RIMS1: variants seen among roughly 807,000 people sequenced by gnomAD.
The protein encoded by RIMS1 is regulating synaptic membrane exocytosis 1.
Under a neutral mutation model 214.1 loss-of-function variants are expected in RIMS1, and 83 were observed. That is an observed-to-expected ratio of 0.39 (90% CI 0.32 to 0.47). The LOEUF is 0.47. Ranked by LOEUF, RIMS1 falls within the 20% of genes least tolerant of loss-of-function variation. The pLI, the probability that RIMS1 is intolerant of heterozygous loss-of-function variation, is 0.99. For synonymous variants in RIMS1, 793 were observed against 786.8 expected (o/e 1.01, Z -0.13); for missense variants, 2,050 against 2,161.8 (o/e 0.95, Z 1.03).
chr6:72,217,414 G>A, intron 6 of RIMS1, among the ~76,000 whole-genome samples: 1 of 152,050 alleles, frequency 6.6e-6, no homozygotes, highest in South Asian at 2.1e-4. Flanking sequence ...ATGATTACTT[G>A]TATTACATAA....
rs556793195 is a variant in RIMS1, at chr6:71,941,197, A to T, written c.165-27786A>T. ...CCATTTATCCTTTTTATGAATAAATATGTTTTTCTAATTATAAAAATAATT... is the reference window on the plus strand; with the variant it reads ...CCATTTATCCTTTTTATGAATAAATTTGTTTTTCTAATTATAAAAATAATT... On this transcript the variant is annotated intron_variant, in intron 1 of 33. Transcript: ENST00000521978. Among the ~76,000 whole-genome samples, 123 of 152,274 alleles carry T rather than the reference A, an allele frequency of 8.1e-4. 1 individual carries two copies. Among genetic ancestry groups the T allele is most frequent in the Non-Finnish European group, 3.1e-4 (21 of 68,018 alleles).
chr6:71,997,353 A>C (rs2151684934), intron 2 of RIMS1, among the ~76,000 whole-genome samples: 1 of 152,304 alleles, frequency 6.6e-6, no homozygotes, highest in Middle Eastern at 3.4e-3. Flanking sequence ...ACAGTATCAA[A>C]ATTCCTGGTT....
chr6:72,260,775 C>T lies in RIMS1; in HGVS notation c.3116+8C>T, dbSNP rs1277312139. On this transcript the variant is annotated splice_region_variant and intron_variant, in intron 19 of 33. Transcript: ENST00000521978. ...ATGCCTACATACTACCAGGTAAATA[C>T]AGGGATTTGGTAATGGTGACTGTGT... 9 of 1,611,686 alleles carry T rather than the reference C, an allele frequency of 5.6e-6. No individual in the cohort carries two copies. The highest frequency in any genetic ancestry group is 7.6e-6 in the Non-Finnish European group (9 of 1,178,586).
chr6:72,238,104 A>C (rs2065048973), intron 9 of RIMS1, among the ~76,000 whole-genome samples, 182 bp downstream of exon 9: 1 of 152,026 alleles, frequency 6.6e-6, no homozygotes. Flanking sequence ...ATAAATATTT[A>C]CCAATTGCAA....
intron 4 of RIMS1, among the ~76,000 whole-genome samples, chr6:72,120,409 G>C (rs986581245): frequency 6.6e-6 from 1 of 151,922 alleles, no homozygotes; most frequent in African/African-American, 2.4e-5. Context: ...GGCCAGTGAT[G>C]ATGAGCATTT....
intron 4 of RIMS1, among the ~76,000 whole-genome samples, chr6:72,131,635 G>A (rs968838472): frequency 9.2e-5 from 14 of 152,176 alleles, no homozygotes; most frequent in Admixed American, 2.6e-4. Flanking sequence ...AGGACCACAG[G>A]ACTGGGGCAA....
rs962259108 is a variant in RIMS1 at position 72,031,340 on chromosome 6, G to T, written c.245+62277G>T. ...ATATAAATGATTAAACAATACTTCT[G>T]TCAGAGCCCCTACCCCATTCTTTAT... On this transcript the variant is annotated intron_variant, in intron 2 of 33. Coordinates refer to ENST00000521978, the MANE Select transcript of RIMS1 (RefSeq NM_014989.7). Among the ~76,000 whole-genome samples, 6 of 152,064 alleles carry T rather than the reference G, an allele frequency of 3.9e-5. No individual in the cohort carries two copies. In the East Asian group the frequency reaches 1.2e-3, roughly 29 times the overall value.
chr6:71,972,164 G>A (rs1490681565), intron 2 of RIMS1, among the ~76,000 whole-genome samples: 1 of 152,196 alleles, frequency 6.6e-6, no homozygotes, highest in Non-Finnish European at 1.5e-5. Context: ...CAAGGTAGTA[G>A]AGGGATTCAA....
At chr6:72,227,583 A>G (rs2060582564) in intron 6 of RIMS1, among the ~76,000 whole-genome samples, 2 of 151,938 alleles carry the variant, frequency 1.3e-5, no homozygotes, top group South Asian at 4.1e-4. Flanking sequence ...CACAACCAGA[A>G]AAAGTACTGC....
chr6:71,980,098 G>C (rs914647532), intron 2 of RIMS1, among the ~76,000 whole-genome samples: 4 of 152,036 alleles, frequency 2.6e-5, no homozygotes, highest in African/African-American at 9.7e-5. Context: ...AGAGTCATTT[G>C]TCCAGGATGA....
chr6:71,989,359 C>G (rs1345839437), intron 2 of RIMS1, among the ~76,000 whole-genome samples: 1 of 152,188 alleles, frequency 6.6e-6, no homozygotes, highest in Non-Finnish European at 1.5e-5. Context: ...TCTTCACTAA[C>G]AACATCTCCC....
At position 71,959,189 on chromosome 6, in the gene RIMS1, A is replaced by C. The variant is rs569489134; in HGVS notation, c.165-9794A>C. 5.8e-4 allele frequency among the ~76,000 whole-genome samples: 88 copies of C among 152,284 alleles called. 2 individuals carry two copies. Among genetic ancestry groups the C allele is most frequent in the African/African-American group, 2.1e-3 (87 of 41,584 alleles). On this transcript the variant is annotated intron_variant, in intron 1 of 33. Coordinates refer to ENST00000521978, the MANE Select transcript of RIMS1 (RefSeq NM_014989.7). ...AAAGCCCAGGTAATAACACATTTTCATATCTCATTGGCTCCAGTTTTTCTC... is the reference window on the plus strand; with the variant it reads ...AAAGCCCAGGTAATAACACATTTTCCTATCTCATTGGCTCCAGTTTTTCTC...
rs1469901544 is a variant in RIMS1, at chr6:72,097,135, A to T, written c.432A>T (p.Gly144=). 6.2e-7 allele frequency: 1 copy of T among 1,613,838 alleles called. No homozygotes were observed. The highest frequency in any genetic ancestry group is 1.7e-5 in the Admixed American group (1 of 59,994). Residue 144 remains glycine (G), a synonymous_variant, in exon 3 of 34, where the codon GGA becomes GGT. Coordinates refer to ENST00000521978, the MANE Select transcript of RIMS1 (RefSeq NM_014989.7). ...GCACTAAGTTCTGTGCGCGCTGCGGAGGCCGCGTGTCTCTACGGTCAAACA... is the reference window on the plus strand; with the variant it reads ...GCACTAAGTTCTGTGCGCGCTGCGGTGGCCGCGTGTCTCTACGGTCAAACA... The part of the protein sequence containing the change: ...YCRTKFCARC[G]GRVSLRSNNE...
intron 2 of RIMS1, among the ~76,000 whole-genome samples, chr6:72,068,684 G>A (rs1829880098): frequency 6.6e-6 from 1 of 152,174 alleles, no homozygotes; most frequent in South Asian, 2.1e-4. Flanking sequence ...AGCACTTTGG[G>A]AGACTGAGGC....
chr6:72,155,737 A>T (rs1382272362), intron 4 of RIMS1, among the ~76,000 whole-genome samples: 1 of 140,410 alleles, frequency 7.1e-6, no homozygotes, highest in Non-Finnish European at 1.6e-5. Context: ...CAGTTCAGGA[A>T]AGACCTGACC....
At chr6:72,293,018 A>G (rs2154254472) in intron 26 of RIMS1, among the ~76,000 whole-genome samples, 1 of 152,106 alleles carries the variant, frequency 6.6e-6, no homozygotes, top group East Asian at 1.9e-4. Flanking sequence ...CAAGTGATTT[A>G]CTGAATGTAT....
intron 31 of RIMS1, among the ~76,000 whole-genome samples, chr6:72,393,400 A>G (rs2098732398): frequency 6.6e-6 from 1 of 152,186 alleles, no homozygotes; most frequent in South Asian, 2.1e-4. Flanking sequence ...GCTTCCTAAG[A>G]GGAAAAATAA....
intron 1 of RIMS1, among the ~76,000 whole-genome samples, chr6:71,953,682 T>A (rs951889137): frequency 5.3e-5 from 8 of 152,218 alleles, no homozygotes; most frequent in Non-Finnish European, 1.2e-4. Flanking sequence ...CATACTTACC[T>A]ATTAGAATAA....
chr6:72,088,854 C>A (rs146608869), intron 2 of RIMS1, among the ~76,000 whole-genome samples: 32 of 150,842 alleles, frequency 2.1e-4, no homozygotes, highest in African/African-American at 7.6e-4. Context: ...AAAATGCTTT[C>A]CATAGTAATG....
Sources: allele counts gnomAD v4.1 joint callset (sites outside exome capture counted in the v4.1 genomes callset), GRCh38; gene constraint gnomAD v4.1.1; transcripts MANE v1.5; gene names NCBI Gene and HGNC (gene_info 2026-07-23, HGNC 2026-07-21).